The following NXPE2 variants were observed in gnomAD, a reference collection of about 807,000 sequenced individuals.
The protein encoded by NXPE2 is neurexophilin and PC-esterase domain family member 2, also known as NXPE family member 2.
A neutral mutation model predicts 34.4 loss-of-function variants in NXPE2; 34 were observed. That is an observed-to-expected ratio of 0.99 (90% CI 0.75 to 1.31). NXPE2 has a LOEUF of 1.31. Ranked by LOEUF, NXPE2 falls within the 40% of genes most tolerant of loss-of-function variation. The pLI is 0.00. For synonymous variants in NXPE2, 235 were observed against 231.3 expected (o/e 1.02, Z -0.15); for missense variants, 649 against 672.5 (o/e 0.97, Z 0.39).
chr11:114,498,174 C>T, the NXPE2 span, among the ~76,000 whole-genome samples: 4 of 151,962 alleles, frequency 2.6e-5, no homozygotes, highest in Non-Finnish European at 5.9e-5. Context: ...ATCTTACTGA[C>T]TTCTACTAGT....
chr11:114,721,323 G>A, the NXPE2 span, among the ~76,000 whole-genome samples: 1 of 151,360 alleles, frequency 6.6e-6, no homozygotes, highest in Non-Finnish European at 1.5e-5. Context: ...ATCCTTCAGA[G>A]CAGGACCATA....
the NXPE2 span, among the ~76,000 whole-genome samples, chr11:114,670,059 GAATTAGAACAAACCTCAAA>G: frequency 6.6e-6 from 1 of 152,022 alleles, no homozygotes; most frequent in Admixed American, 6.6e-5. Context: ...GAGCCCTATA[GAATTAGAACAAACCTCAAA>G]GACTGGTCTC....
the NXPE2 span, among the ~76,000 whole-genome samples, chr11:114,659,874 C>T: frequency 0.012 from 1,806 of 152,012 alleles, 62 homozygotes; most frequent in Admixed American, 0.074. Flanking sequence ...AGTAAATCAA[C>T]GAAACAAAGC....
At chr11:114,632,924 A>G in the NXPE2 span, among the ~76,000 whole-genome samples, 2 of 89,990 alleles carry the variant, frequency 2.2e-5, no homozygotes, top group African/African-American at 9.3e-5. Flanking sequence ...ATTTTATATA[A>G]TTATATAATA....
At chr11:114,753,393 AG>A in the NXPE2 span, among the ~76,000 whole-genome samples, 3 of 135,166 alleles carry the variant, frequency 2.2e-5, no homozygotes, top group Non-Finnish European at 5.1e-5. Context: ...ACCCTGTCTT[AG>A]AAAAAAAAAT....
the NXPE2 span, among the ~76,000 whole-genome samples, chr11:114,575,431 C>T: frequency 2.0e-5 from 3 of 151,872 alleles, no homozygotes; most frequent in Non-Finnish European, 4.4e-5. Context: ...TGATAGTATA[C>T]CTAGAAAACC....
chr11:114,737,014 G>A, the NXPE2 span, among the ~76,000 whole-genome samples: 2 of 152,060 alleles, frequency 1.3e-5, no homozygotes, highest in Non-Finnish European at 2.9e-5. Flanking sequence ...CTAGCAATTT[G>A]CAAGGTATTG....
the NXPE2 span, among the ~76,000 whole-genome samples, chr11:114,472,411 A>G: frequency 0.013 from 1,980 of 152,264 alleles, 48 homozygotes; most frequent in African/African-American, 0.046. Flanking sequence ...TCACAAAAAA[A>G]TCTTATAATG....
the NXPE2 span, among the ~76,000 whole-genome samples, chr11:114,492,044 G>C: frequency 6.6e-6 from 1 of 152,058 alleles, no homozygotes; most frequent in Non-Finnish European, 1.5e-5. Flanking sequence ...AGCATTAGGA[G>C]ATATACCTAA....
chr11:114,606,672 G>T, the NXPE2 span, among the ~76,000 whole-genome samples: 1 of 151,962 alleles, frequency 6.6e-6, no homozygotes, highest in East Asian at 1.9e-4. Context: ...AGTAAGTATT[G>T]CATCATGGGT....
intron 2 of NXPE2, among the ~76,000 whole-genome samples, chr11:114,692,058 G>A (rs773771003): frequency 1.3e-5 from 2 of 152,138 alleles, no homozygotes; most frequent in African/African-American, 2.4e-5. Context: ...TACTGCTGGG[G>A]AACTCTCTGC....
the NXPE2 span, chr11:114,570,681 C>A: frequency 1.4e-5 from 4 of 285,268 alleles, no homozygotes; most frequent in Non-Finnish European, 2.6e-5. Flanking sequence ...GTCTTGACTT[C>A]CCATTGGTGA....
chr11:114,522,733 T>C, the NXPE2 span: 1 of 680,444 alleles, frequency 1.5e-6, no homozygotes, highest in Non-Finnish European at 2.4e-6. Flanking sequence ...AAAGAAGGAA[T>C]AAAATACATT....
At chr11:114,625,826 T>G in the NXPE2 span, among the ~76,000 whole-genome samples, 8 of 152,030 alleles carry the variant, frequency 5.3e-5, no homozygotes, top group Non-Finnish European at 8.8e-5. Context: ...GCACACCACG[T>G]GCAAGCTGAA....
chr11:114,583,453 C>T, the NXPE2 span: 1 of 667,618 alleles, frequency 1.5e-6, no homozygotes, highest in Admixed American at 1.8e-5. Context: ...TGACCAAGTA[C>T]CACAGTGATG....
At chr11:114,770,718 T>C in the NXPE2 span, among the ~76,000 whole-genome samples, 1 of 152,176 alleles carries the variant, frequency 6.6e-6, no homozygotes, top group African/African-American at 2.4e-5. Context: ...ACCAGTCTAT[T>C]TTATAGGCGA....
the NXPE2 span, among the ~76,000 whole-genome samples, chr11:114,514,676 A>T: frequency 6.6e-6 from 1 of 152,278 alleles, no homozygotes; most frequent in South Asian, 2.1e-4. Flanking sequence ...GGCCTGAACC[A>T]CCATGTCCAG....
chr11:114,795,394 C>T, the NXPE2 span, among the ~76,000 whole-genome samples: 1 of 152,192 alleles, frequency 6.6e-6, no homozygotes, highest in Admixed American at 6.5e-5. Context: ...TGGCTCAAAA[C>T]AGATCTCTTT....
chr11:114,649,057 G>T, the NXPE2 span, among the ~76,000 whole-genome samples: 1 of 151,742 alleles, frequency 6.6e-6, no homozygotes, highest in East Asian at 1.9e-4. Flanking sequence ...CTGGTCACAT[G>T]GTTATAACTG....
Sources: gnomAD v4.1 joint callset for allele counts (sites outside exome capture counted in the v4.1 genomes callset) on GRCh38, gnomAD v4.1.1 for gene constraint, MANE v1.5 for transcripts, NCBI Gene and HGNC (gene_info 2026-07-23, HGNC 2026-07-21) for gene names.